The following PARP12 variants were observed in gnomAD, a reference collection of about 807,000 sequenced individuals.
The protein encoded by PARP12 is protein mono-ADP-ribosyltransferase PARP12.
Under a neutral mutation model 72.4 loss-of-function variants are expected in PARP12, and 59 were observed. That is an observed-to-expected ratio of 0.81 (90% CI 0.66 to 1.01). The LOEUF (loss-of-function observed/expected upper bound fraction) is 1.01, where lower values mean the gene tolerates loss of function less well. Among genes scored for constraint, PARP12 ranks in the 50% least tolerant of loss-of-function variants. PARP12 has a pLI of 0.00. For missense variants in PARP12, 851 were observed against 914.0 expected (o/e 0.93, Z 0.89); for synonymous variants, 403 against 371.4 (o/e 1.09, Z -0.98).
At chr7:140,037,570 G>A in intron 7 of PARP12, 145 bp downstream of exon 7, 3 of 1,097,514 alleles carry the variant, frequency 2.7e-6, no homozygotes, top group Non-Finnish European at 3.9e-6. Context: ...TCTGTCTCCA[G>A]GTCTACCTTG....
At chr7:140,024,975 C>T (rs1161481718) in intron 11 of PARP12, 90 bp from the exon 12 acceptor site, 28 of 1,203,488 alleles carry the variant, frequency 2.3e-5, no homozygotes, top group Non-Finnish European at 3.0e-5. Context: ...TGATGTGCAA[C>T]GCCAGGGCCT....
rs1161566098 is a variant in PARP12, at chr7:140,057,007, A to C, written c.609T>G (p.Asn203Lys). Residue 203 changes from asparagine to lysine, a missense_variant, in exon 3 of 12, where the codon AAT (asparagine) becomes AAG (lysine). Asn to Lys is a moderately conservative substitution (Grantham distance 94). This residue lies in a region of PARP12 where 492 missense variants were observed against 489.3 expected (regional missense o/e 1.01). Coordinates refer to ENST00000263549, the MANE Select transcript of PARP12 (RefSeq NM_022750.4). ...TSCKRSHDFSNSENLEKLEKL... is the reference protein window; with the variant it reads ...TSCKRSHDFSKSENLEKLEKL... The stretch of plus-strand genomic sequence containing the variant: ...TCTCCAATTTTTCCAGATTCTCAGA[A>C]TTAGAGAAATCATGGGATCTCTTAC... The C allele has an allele frequency of 6.2e-7, 1 of 1,614,242 alleles. No homozygotes were observed.
At chr7:140,031,242 G>T (rs775404434) in intron 8 of PARP12, among the ~76,000 whole-genome samples, 47 of 152,120 alleles carry the variant, frequency 3.1e-4, no homozygotes, top group African/African-American at 6.5e-4. Context: ...GCATGGTGGC[G>T]CATGCCTGTG....
chr7:140,038,752 C>A (rs994563697), intron 6 of PARP12, among the ~76,000 whole-genome samples: 1 of 152,232 alleles, frequency 6.6e-6, no homozygotes, highest in East Asian at 1.9e-4. Flanking sequence ...GCTCCCCCTA[C>A]TGCTACCATC....
Position 140,038,023 on chromosome 7 carries a change from G to A in PARP12, c.1183-167C>T, listed in dbSNP as rs1418602331. On this transcript the variant is annotated intron_variant, in intron 6 of 11. Coordinates refer to ENST00000263549, the MANE Select transcript of PARP12 (RefSeq NM_022750.4). Reference sequence around the variant, plus strand: ...TGGCAGGAGAGAGAGGCACAGAATGGAGGCAACATGACTGTCTCCTGAAGC... The same window carrying A: ...TGGCAGGAGAGAGAGGCACAGAATGAAGGCAACATGACTGTCTCCTGAAGC... 7.1e-6 allele frequency: 7 copies of A among 985,436 alleles called. No homozygotes were observed. The East Asian group carries it at 6.8e-4, about 96-fold the overall frequency. 61.0% of individuals were successfully genotyped at this position (985,436 alleles called of 1,614,324 possible). A position where few individuals can be genotyped will look rare whatever the true frequency, so the allele number is the denominator to read the frequency against.
At position 140,034,079 on chromosome 7, in the gene PARP12, C is replaced by T. The variant is rs554350214; in HGVS notation, c.1421+156G>A. 17 of 1,323,712 alleles carry T rather than the reference C, an allele frequency of 1.3e-5. No homozygotes were observed. The Admixed American group carries it at 4.1e-4, about 32-fold the overall frequency. The allele number at this position is 1,323,712 out of a possible 1,614,324, so 82.0% of individuals were successfully genotyped here. A position where few individuals can be genotyped will look rare whatever the true frequency, so the allele number is the denominator to read the frequency against. The stretch of plus-strand genomic sequence containing the variant: ...CCACAGGGTAATTCCCACTCTGGTC[C>T]AACTAGTAGAAGACAAACGATAACA... On this transcript the variant is annotated intron_variant, in intron 8 of 11. Coordinates refer to ENST00000263549, the MANE Select transcript of PARP12 (RefSeq NM_022750.4).
chr7:140,040,969 T>C (rs559876104), intron 6 of PARP12, among the ~76,000 whole-genome samples: 1 of 152,306 alleles, frequency 6.6e-6, no homozygotes, highest in South Asian at 2.1e-4. Context: ...GGTTTCACCA[T>C]GTTGGCCAGG....
intron 5 of PARP12, among the ~76,000 whole-genome samples, chr7:140,042,729 G>A (rs1816536420): frequency 2.0e-5 from 3 of 152,194 alleles, no homozygotes; most frequent in Non-Finnish European, 4.4e-5. Context: ...GTTGGTTCTG[G>A]ATAAAGGAGG....
chr7:140,058,514 G>A (rs1393809044), intron 1 of PARP12, among the ~76,000 whole-genome samples: 1 of 149,342 alleles, frequency 6.7e-6, no homozygotes, highest in Non-Finnish European at 1.5e-5. Flanking sequence ...AAAAAAAAAA[G>A]AAGAGATTGG....
chr7:140,038,241 G>T (rs187201104), intron 6 of PARP12: 54 of 985,286 alleles, frequency 5.5e-5, no homozygotes, highest in Non-Finnish European at 6.0e-5. Context: ...GGTCTTACCC[G>T]TCTATTCACG....
chr7:140,024,987 T>C (rs1404193094), intron 11 of PARP12, 102 bp from the exon 12 acceptor site: 12 of 1,058,080 alleles, frequency 1.1e-5, no homozygotes, highest in Non-Finnish European at 1.5e-5. Context: ...CCAGGGCCTC[T>C]ACTCTTCCAC....
chr7:140,054,634 T>C, intron 4 of PARP12, 28 bp downstream of exon 4: 1 of 1,541,382 alleles, frequency 6.5e-7, no homozygotes, highest in Non-Finnish European at 9.0e-7. Context: ...CTCCCACAAG[T>C]GGAATGAAGG....
Position 140,046,799 on chromosome 7 carries a change from A to AGTGTGTGTGTGTGTGTGT in PARP12, c.986+67_986+84dup, listed in dbSNP as rs3216987. 2,031 of 868,558 alleles carry AGTGTGTGTGTGTGTGTGT rather than the reference A, an allele frequency of 2.3e-3. 15 individuals are homozygous for AGTGTGTGTGTGTGTGTGT. Among genetic ancestry groups the AGTGTGTGTGTGTGTGTGT allele is most frequent in the African/African-American group, 3.9e-3 (161 of 41,370 alleles). 53.8% of individuals were successfully genotyped at this position (868,558 alleles called of 1,614,324 possible). A position where few individuals can be genotyped will look rare whatever the true frequency, so the allele number is the denominator to read the frequency against. ...GGCACCTCCAGACTAGGCTGCTCAC[A>AGTGTGTGTGTGTGTGTGT]GTGTGTGTGTGTGTGTGTGTGTGTG... On this transcript the variant is annotated intron_variant, in intron 5 of 11. Coordinates refer to ENST00000263549, the MANE Select transcript of PARP12 (RefSeq NM_022750.4).
At chr7:140,028,757 C>T (rs1815831077) in intron 8 of PARP12, 69 bp from the exon 9 acceptor site, 46 of 1,342,036 alleles carry the variant, frequency 3.4e-5, no homozygotes, top group Non-Finnish European at 4.7e-5. Flanking sequence ...CATAGGTGGT[C>T]TCTGCTAGCC....
chr7:140,058,617 C>A (rs1817297269), intron 1 of PARP12, among the ~76,000 whole-genome samples: 1 of 152,092 alleles, frequency 6.6e-6, no homozygotes, highest in Non-Finnish European at 1.5e-5. Context: ...AAGAAATCAA[C>A]CCTGCCACCT....
intron 5 of PARP12, among the ~76,000 whole-genome samples, chr7:140,045,987 C>T (rs963201987): frequency 3.5e-5 from 5 of 143,230 alleles, no homozygotes; most frequent in Admixed American, 6.9e-5. Context: ...CGGTGGTGAA[C>T]GATGGGAGTA....
At chr7:140,057,796 A>C in intron 2 of PARP12, 103 bp downstream of exon 2, 1 of 1,479,418 alleles carries the variant, frequency 6.8e-7, no homozygotes, top group Non-Finnish European at 9.1e-7. Context: ...ACCAGACCAG[A>C]GATCACCAAG....
chr7:140,051,031 G>C (rs1454320119), intron 4 of PARP12, among the ~76,000 whole-genome samples: 4 of 152,116 alleles, frequency 2.6e-5, no homozygotes, highest in African/African-American at 9.7e-5. Context: ...TATAGAGATG[G>C]AACCTTCATC....
intron 6 of PARP12, among the ~76,000 whole-genome samples, chr7:140,038,547 T>G (rs747176472): frequency 2.6e-5 from 4 of 152,184 alleles, no homozygotes; most frequent in African/African-American, 4.8e-5. Context: ...AGGACTATAT[T>G]GTCCTCACAG....
Sources: allele counts gnomAD v4.1 joint callset (sites outside exome capture counted in the v4.1 genomes callset), GRCh38; gene constraint gnomAD v4.1.1; regional missense constraint gnomAD v4.1.1; transcripts MANE v1.5; gene names NCBI Gene and HGNC (gene_info 2026-07-23, HGNC 2026-07-21).